Variants in ZNF385B observed in about 807,000 individuals in gnomAD.
ZNF385B encodes zinc finger protein 385B.
In ZNF385B, 23 loss-of-function variants were observed where a neutral mutation model predicts 39.2. The observed-to-expected ratio is 0.59, with a 90% confidence interval of 0.42 to 0.83. ZNF385B has a LOEUF of 0.83. Ranked by LOEUF, ZNF385B falls within the 40% of genes least tolerant of loss-of-function variation. The probability of loss-of-function intolerance (pLI) is 0.00; values close to 1 mark genes in which losing one functional copy is unlikely to be tolerated. For synonymous variants in ZNF385B, 205 were observed against 222.6 expected (o/e 0.92, Z 0.70); for missense variants, 552 against 598.9 (o/e 0.92, Z 0.82).
intron 3 of ZNF385B, among the ~76,000 whole-genome samples, chr2:179,630,361 G>A (rs1172164276): frequency 6.6e-6 from 1 of 152,242 alleles, no homozygotes; most frequent in African/African-American, 2.4e-5. Flanking sequence ...AGCTCTGCTG[G>A]TGATACCCAG....
chr2:179,825,903 C>T (rs1211818161), intron 1 of ZNF385B, among the ~76,000 whole-genome samples: 2 of 151,090 alleles, frequency 1.3e-5, no homozygotes, highest in Non-Finnish European at 2.9e-5. Flanking sequence ...TTCAGGATTG[C>T]CCCCCCATCT....
intron 3 of ZNF385B, among the ~76,000 whole-genome samples, chr2:179,724,244 G>C (rs1165470270): frequency 7.2e-5 from 11 of 152,128 alleles, no homozygotes; most frequent in Admixed American, 7.2e-4. Flanking sequence ...GGGAGGTGAA[G>C]TTTGCAGTGA....
At chr2:179,581,846 T>TGGAAGTGCACACC (rs1686563500) in intron 3 of ZNF385B, among the ~76,000 whole-genome samples, 1 of 152,172 alleles carries the variant, frequency 6.6e-6, no homozygotes, top group Non-Finnish European at 1.5e-5. Context: ...ATCTGGAATG[T>TGGAAGTGCACACC]GGAAGTGCAC....
At chr2:179,778,387 G>T (rs1015507252) in intron 1 of ZNF385B, among the ~76,000 whole-genome samples, 1 of 152,186 alleles carries the variant, frequency 6.6e-6, no homozygotes, top group Non-Finnish European at 1.5e-5. Context: ...TTTCTAAGAG[G>T]GTCCAGGAAG....
intron 5 of ZNF385B, among the ~76,000 whole-genome samples, chr2:179,504,814 G>GA (rs76535980): frequency 0.013 from 1,757 of 137,402 alleles, 27 homozygotes; most frequent in African/African-American, 0.036. Context: ...ATAATTTAAA[G>GA]AAAAAAAAAA....
intron 3 of ZNF385B, among the ~76,000 whole-genome samples, chr2:179,688,460 C>A (rs1698092385): frequency 6.6e-6 from 1 of 151,220 alleles, no homozygotes; most frequent in Non-Finnish European, 1.5e-5. Flanking sequence ...AAAGTGAGAC[C>A]ACCCCACAAC....
chr2:179,638,832 C>G (rs1250853727), intron 3 of ZNF385B, among the ~76,000 whole-genome samples: 3 of 152,078 alleles, frequency 2.0e-5, no homozygotes, highest in Admixed American at 6.6e-5. Context: ...TGAAAAGAAA[C>G]AAGCCAACTC....
At chr2:179,539,104 G>A (rs1380628111) in intron 4 of ZNF385B, among the ~76,000 whole-genome samples, 2 of 152,344 alleles carry the variant, frequency 1.3e-5, no homozygotes, top group East Asian at 1.9e-4. Context: ...ATACTGGGTA[G>A]CTTAAAAAAC....
chr2:179,623,946 T>G (rs1389643117), intron 3 of ZNF385B, among the ~76,000 whole-genome samples: 1 of 152,196 alleles, frequency 6.6e-6, no homozygotes, highest in Non-Finnish European at 1.5e-5. Context: ...TATGTTTCCT[T>G]CTAAAGGGGC....
chr2:179,749,169 G>C (rs1159468939), intron 3 of ZNF385B, among the ~76,000 whole-genome samples: 1 of 151,720 alleles, frequency 6.6e-6, no homozygotes, highest in Admixed American at 6.6e-5. Context: ...ACACTTCAGG[G>C]CTATGATTTA....
chr2:179,549,238 C>T (rs1190124692), intron 3 of ZNF385B, among the ~76,000 whole-genome samples: 1 of 149,218 alleles, frequency 6.7e-6, no homozygotes, highest in Non-Finnish European at 1.5e-5. Flanking sequence ...TGAATTACTC[C>T]CACTATTTTG....
At chr2:179,847,767 T>G (rs1480544205) in intron 1 of ZNF385B, among the ~76,000 whole-genome samples, 1 of 152,154 alleles carries the variant, frequency 6.6e-6, no homozygotes, top group Non-Finnish European at 1.5e-5. Context: ...GTGGTATTAG[T>G]AGCAGATTAC....
At position 179,780,220 on chromosome 2, in the gene ZNF385B, C is replaced by G. The variant is rs1269892242; in HGVS notation, c.-154-9548G>C. ...ATGTGGAAAGAGCATTTGATTGCTT[C>G]ATGTTAGAGAATGAACAGCAGTACT... On this transcript the variant is annotated intron_variant, in intron 1 of 9. Coordinates refer to ENST00000410066, the MANE Select transcript of ZNF385B (RefSeq NM_152520.6). 2.0e-5 allele frequency among the ~76,000 whole-genome samples: 3 copies of G among 152,162 alleles called. No homozygotes were observed. In the East Asian group the frequency reaches 5.8e-4, roughly 29 times the overall value.
chr2:179,829,443 A>C (rs552198907), intron 1 of ZNF385B, among the ~76,000 whole-genome samples: 1 of 152,370 alleles, frequency 6.6e-6, no homozygotes, highest in East Asian at 1.9e-4. Flanking sequence ...GTAAATGTAA[A>C]TCACAAAACT....
chr2:179,702,578 T>A (rs115992225), intron 3 of ZNF385B, among the ~76,000 whole-genome samples: 2,230 of 152,234 alleles, frequency 0.015, 57 homozygotes, highest in African/African-American at 0.049. Flanking sequence ...ATATCAAAAC[T>A]AGATTTGGGT....
intron 6 of ZNF385B, among the ~76,000 whole-genome samples, chr2:179,479,797 C>T (rs1266551748): frequency 6.6e-6 from 1 of 152,042 alleles, no homozygotes. Context: ...CAAGATGACA[C>T]CACTACACTC....
chr2:179,823,239 C>T (rs1707503377), intron 1 of ZNF385B, among the ~76,000 whole-genome samples: 1 of 152,126 alleles, frequency 6.6e-6, no homozygotes, highest in Non-Finnish European at 1.5e-5. Flanking sequence ...CCATAAAATA[C>T]CACATAGAAC....
At chr2:179,800,783 G>A (rs1176333678) in intron 1 of ZNF385B, among the ~76,000 whole-genome samples, 1 of 152,026 alleles carries the variant, frequency 6.6e-6, no homozygotes, top group Non-Finnish European at 1.5e-5. Context: ...TAAAGAATTT[G>A]CCACATTTAC....
intron 3 of ZNF385B, among the ~76,000 whole-genome samples, chr2:179,596,097 C>A (rs1440861779): frequency 6.6e-6 from 1 of 152,070 alleles, no homozygotes; most frequent in African/African-American, 2.4e-5. Context: ...TGCTGCATAA[C>A]AAATTACTCA....
Sources: allele counts gnomAD v4.1 joint callset (sites outside exome capture counted in the v4.1 genomes callset), GRCh38; gene constraint gnomAD v4.1.1; transcripts MANE v1.5; gene names NCBI Gene and HGNC (gene_info 2026-07-23, HGNC 2026-07-21).